FGFR2: variants seen among roughly 807,000 people sequenced by gnomAD.
FGFR2 encodes BEK fibroblast growth factor receptor.
A neutral mutation model predicts 95.9 loss-of-function variants in FGFR2; 19 were observed. That is an observed-to-expected ratio of 0.20 (90% CI 0.14 to 0.29). The LOEUF (loss-of-function observed/expected upper bound fraction) is 0.29, where lower values mean the gene tolerates loss of function less well. Ranked by LOEUF, FGFR2 falls within the 10% of genes least tolerant of loss-of-function variation. The probability of loss-of-function intolerance (pLI) is 1.00; values close to 1 mark genes in which losing one functional copy is unlikely to be tolerated. For synonymous variants in FGFR2, 392 were observed against 393.3 expected (o/e 1.00, Z 0.04); for missense variants, 707 against 1,056.9 (o/e 0.67, Z 4.59).
intron 4 of FGFR2, among the ~76,000 whole-genome samples, chr10:121,554,505 A>ATTTTTTTT (rs11334001): frequency 8.2e-6 from 1 of 121,960 alleles, no homozygotes; most frequent in Non-Finnish European, 1.7e-5. Flanking sequence ...TGCCCGGCTA[A>ATTTTTTTT]TTTTTTTTTT....
rs748855113 is a variant in FGFR2, at chr10:121,503,936, C to T, written c.1293G>A (p.Ser431=). ...RIPLRRQVTV[S]AESSSSMNSN... Reference sequence around the variant, plus strand: ...AGTTCATGGAGGAGCTGGACTCAGCCGAAACCTGGATACAAAATGCAAAGA... The same window carrying T: ...AGTTCATGGAGGAGCTGGACTCAGCTGAAACCTGGATACAAAATGCAAAGA... Residue 431 remains serine, a synonymous_variant, in exon 10 of 18, where the codon TCG becomes TCA. Transcript: ENST00000358487. 1.1e-5 allele frequency: 18 copies of T among 1,613,984 alleles called. No homozygotes were observed. Among genetic ancestry groups the T allele is most frequent in the Admixed American group, 5.0e-5 (3 of 59,998 alleles).
At chr10:121,524,762 G>A (rs896077537) in intron 6 of FGFR2, among the ~76,000 whole-genome samples, 7 of 152,220 alleles carry the variant, frequency 4.6e-5, no homozygotes, top group Admixed American at 3.3e-4. Context: ...TCGTGGCCTG[G>A]CCCAGCGGGC....
At chr10:121,545,583 T>C (rs373350127) in intron 5 of FGFR2, among the ~76,000 whole-genome samples, 1 of 152,160 alleles carries the variant, frequency 6.6e-6, no homozygotes, top group Non-Finnish European at 1.5e-5. Context: ...CAAAGACTGC[T>C]TGATGTGGGA....
intron 2 of FGFR2, among the ~76,000 whole-genome samples, chr10:121,592,403 C>G (rs1276289463): frequency 6.6e-6 from 1 of 152,170 alleles, no homozygotes; most frequent in African/African-American, 2.4e-5. Context: ...AAACTCCTAC[C>G]AGATTCCCTT....
intron 2 of FGFR2, among the ~76,000 whole-genome samples, chr10:121,583,759 C>CA (rs575928981): frequency 0.31 from 44,870 of 146,512 alleles, 7,009 homozygotes; most frequent in African/African-American, 0.4. Flanking sequence ...CATTCTCCAG[C>CA]AAAAAAAAAA....
chr10:121,564,396 G>A (rs905441752), intron 4 of FGFR2, 106 bp downstream of exon 4: 16 of 1,064,586 alleles, frequency 1.5e-5, no homozygotes, highest in Middle Eastern at 2.8e-4. Context: ...GGCAAGGGCC[G>A]CGGGACACAG....
In FGFR2 at chr10:121,479,706, TTTA is replaced by T. The variant is rs1282303145; in HGVS notation, c.*148_*150del. On this transcript the variant is annotated 3_prime_UTR_variant, in exon 18 of 18. Coordinates refer to ENST00000358487, the MANE Select transcript of FGFR2 (RefSeq NM_000141.5). The stretch of plus-strand genomic sequence containing the variant: ...TTACAAGTTTTCAACTGTATAAATC[TTTA>T]CACATATGCTGATTACTTTTCCAAT... 1 of 1,590,910 alleles carries T rather than the reference TTTA, an allele frequency of 6.3e-7. No individual in the cohort carries two copies. Among genetic ancestry groups the T allele is most frequent in the Admixed American group, 1.8e-5 (1 of 55,460 alleles).
At chr10:121,590,922 T>C (rs1862527886) in intron 2 of FGFR2, among the ~76,000 whole-genome samples, 2 of 152,188 alleles carry the variant, frequency 1.3e-5, no homozygotes, top group African/African-American at 4.8e-5. Context: ...ACCAAAGCTA[T>C]AGTAGTTCTA....
intron 10 of FGFR2, 89 bp from the exon 11 acceptor site, chr10:121,501,036 G>A (rs1847540042): frequency 6.3e-7 from 1 of 1,580,392 alleles, no homozygotes; most frequent in Admixed American, 1.7e-5. Flanking sequence ...AAATCTTTCA[G>A]CGGCTTACTA....
In FGFR2 at chr10:121,503,902, G is replaced by C. The variant is rs7078073; in HGVS notation, c.1327C>G (p.Pro443Ala). The C allele has an allele frequency of 5.0e-6, 8 of 1,613,986 alleles. No individual in the cohort carries two copies. In the African/African-American group the frequency reaches 1.1e-4, roughly 22 times the overall value. The change falls in exon 10 of 18, where the codon CCG becomes GCG. Residue 443 changes from proline (P) to alanine (A), a missense_variant. Pro to Ala is a conservative substitution (Grantham distance 27). Around this residue, in one of 7 missense-constraint regions of FGFR2, gnomAD observed 194 missense variants for 267.3 expected, o/e 0.73. Transcript: ENST00000358487. ...ESSSSMNSNT[P>A]LVRITTRLSS... ...AGGCGTGTTGTTATCCTCACCAGCG[G>C]GGTGTTGGAGTTCATGGAGGAGCTG...
At chr10:121,488,398 G>A (rs1003108378) in intron 13 of FGFR2, among the ~76,000 whole-genome samples, 6 of 151,924 alleles carry the variant, frequency 3.9e-5, no homozygotes, top group East Asian at 1.9e-4. Flanking sequence ...AAAATTAGCC[G>A]AGCGTGGTGG....
chr10:121,597,207 A>T (rs1357473797), intron 1 of FGFR2, among the ~76,000 whole-genome samples: 1 of 152,198 alleles, frequency 6.6e-6, no homozygotes, highest in Non-Finnish European at 1.5e-5. Context: ...AGCCAGCGCC[A>T]CGCAGGGCCC....
intron 6 of FGFR2, among the ~76,000 whole-genome samples, chr10:121,524,410 T>C (rs978834382): frequency 3.9e-5 from 6 of 152,208 alleles, no homozygotes; most frequent in African/African-American, 7.2e-5. Context: ...GAGAATGTTA[T>C]TTAAAATGTT....
At chr10:121,597,394 G>T (rs1863602681) in intron 1 of FGFR2, among the ~76,000 whole-genome samples, 1 of 152,196 alleles carries the variant, frequency 6.6e-6, no homozygotes, top group Non-Finnish European at 1.5e-5. Context: ...AGCGCCGACG[G>T]CGGCTGCGGG....
At chr10:121,565,411 G>C (rs1299960471) in intron 3 of FGFR2, 27 bp downstream of exon 3, 1 of 1,613,464 alleles carries the variant, frequency 6.2e-7, no homozygotes, top group South Asian at 1.1e-5. Context: ...AGAGAAGAGA[G>C]AGCATAGTGC....
At chr10:121,563,517 C>T (rs558680937) in intron 4 of FGFR2, among the ~76,000 whole-genome samples, 52 of 152,134 alleles carry the variant, frequency 3.4e-4, no homozygotes, top group Admixed American at 5.2e-4. Context: ...ACCCTATGTA[C>T]AAACACTTTA....
chr10:121,541,725 C>A (rs921204829), intron 5 of FGFR2, among the ~76,000 whole-genome samples: 4 of 152,144 alleles, frequency 2.6e-5, no homozygotes, highest in Non-Finnish European at 5.9e-5. Context: ...CTGTTATTCA[C>A]CAGCTGATTA....
intron 2 of FGFR2, among the ~76,000 whole-genome samples, chr10:121,591,175 C>G (rs1208600180): frequency 4.6e-5 from 7 of 152,188 alleles, no homozygotes; most frequent in Admixed American, 4.6e-4. Context: ...TCTTAGGGCT[C>G]AAATCAGTGG....
intron 6 of FGFR2, among the ~76,000 whole-genome samples, chr10:121,529,862 G>A (rs984250791): frequency 1.3e-5 from 2 of 152,254 alleles, no homozygotes; most frequent in African/African-American, 4.8e-5. Context: ...AGCGTGCCAC[G>A]TGCTTCAAGG....
Sources: allele counts gnomAD v4.1 joint callset (sites outside exome capture counted in the v4.1 genomes callset), GRCh38; gene constraint gnomAD v4.1.1; regional missense constraint gnomAD v4.1.1; transcripts MANE v1.5; gene names NCBI Gene and HGNC (gene_info 2026-07-23, HGNC 2026-07-21).